The following MCM9 variants were observed in gnomAD, a reference collection of about 807,000 sequenced individuals.
MCM9 encodes the protein DNA helicase MCM9.
MCM9 carries 55 observed loss-of-function variants against 72.8 expected under a neutral mutation model. The ratio of observed to expected loss-of-function variants is 0.76; its 90% confidence interval spans 0.61 to 0.95. The LOEUF (loss-of-function observed/expected upper bound fraction) is 0.95, where lower values mean the gene tolerates loss of function less well. MCM9 is among the 40% of genes least tolerant of loss of function. The pLI, the probability that MCM9 is intolerant of heterozygous loss-of-function variation, is 0.00. For synonymous variants in MCM9, 480 were observed against 503.4 expected, an observed-to-expected ratio of 0.95 and a Z score of 0.62; for missense variants, 1,279 against 1,377.0, an observed-to-expected ratio of 0.93 and a Z score of 1.13.
intron 8 of MCM9, among the ~76,000 whole-genome samples, chr6:118,863,160 A>G (rs1777005516): frequency 6.6e-6 from 1 of 152,214 alleles, no homozygotes; most frequent in South Asian, 2.1e-4. Flanking sequence ...AACGTATTTA[A>G]TTGTATATGC....
intron 8 of MCM9, among the ~76,000 whole-genome samples, chr6:118,863,442 AC>A (rs1343202838): frequency 6.6e-6 from 1 of 152,250 alleles, no homozygotes; most frequent in Admixed American, 6.5e-5. Flanking sequence ...ACTGCTCAAA[AC>A]CATAAAAGGC....
intron 9 of MCM9, among the ~76,000 whole-genome samples, chr6:118,854,258 C>A (rs554550657): frequency 6.6e-6 from 1 of 152,094 alleles, no homozygotes; most frequent in African/African-American, 2.4e-5. Context: ...ACAATATTGA[C>A]CAGAAATGAG....
intron 13 of MCM9, 128 bp from the exon 14 acceptor site, chr6:118,816,422 A>G (rs1773411290): frequency 8.9e-6 from 6 of 674,864 alleles, no homozygotes; most frequent in Non-Finnish European, 1.4e-5. Flanking sequence ...AGTTAATATC[A>G]AATACAACCT....
intron 9 of MCM9, among the ~76,000 whole-genome samples, chr6:118,839,179 T>C (rs1236144263): frequency 6.6e-6 from 1 of 151,904 alleles, no homozygotes; most frequent in East Asian, 1.9e-4. Flanking sequence ...AAGTTGATCT[T>C]CAATCTCTGA....
intron 9 of MCM9, among the ~76,000 whole-genome samples, chr6:118,855,781 T>C (rs1489336739): frequency 6.6e-6 from 1 of 152,172 alleles, no homozygotes; most frequent in Non-Finnish European, 1.5e-5. Flanking sequence ...AAGTTTCCTA[T>C]AACCATTTCA....
chr6:118,896,211 C>CT, intron 8 of MCM9, among the ~76,000 whole-genome samples: 1 of 152,172 alleles, frequency 6.6e-6, no homozygotes, highest in South Asian at 2.1e-4. Flanking sequence ...TATGATACTA[C>CT]TATTAATATA....
chr6:118,849,683 T>A (rs1483848062), intron 9 of MCM9, among the ~76,000 whole-genome samples: 1 of 151,634 alleles, frequency 6.6e-6, no homozygotes, highest in Non-Finnish European at 1.5e-5. Context: ...AAGCAACTCT[T>A]GGGAGAAAGG....
At chr6:118,838,379 T>C (rs1236652735) in intron 9 of MCM9, among the ~76,000 whole-genome samples, 1 of 151,276 alleles carries the variant, frequency 6.6e-6, no homozygotes, top group African/African-American at 2.4e-5. Context: ...CAGGATGGTC[T>C]TGATCTCCTG....
In MCM9 at chr6:118,840,358, T is replaced by C. The variant is rs146751525; in HGVS notation, c.1326-11108A>G. On this transcript the variant is annotated intron_variant, in intron 9 of 13. Coordinates refer to ENST00000619706, the MANE Select transcript of MCM9 (RefSeq NM_017696.3). ...ACTCTCTGAGTGTCCCTCACATACA[T>C]GAGCAAAAAATAACCTTTCATTCTG... 1.8e-3 allele frequency among the ~76,000 whole-genome samples: 275 copies of C among 152,122 alleles called. 1 individual carries two copies. The highest frequency in any genetic ancestry group is 0.01 in the Middle Eastern group (3 of 294).
intron 9 of MCM9, among the ~76,000 whole-genome samples, chr6:118,836,266 AT>A (rs1476933931): frequency 1.3e-5 from 2 of 151,830 alleles, no homozygotes; most frequent in Admixed American, 1.3e-4. Flanking sequence ...TTTATGGAGG[AT>A]TTTCTCATCG....
In MCM9 at chr6:118,920,816, A is replaced by G. The variant is rs2114348979; in HGVS notation, c.703+1189T>C. 2.6e-5 allele frequency: 4 copies of G among 152,166 alleles called. No individual in the cohort carries two copies. The Middle Eastern group carries it at 0.014, about 518-fold the overall frequency. 9.4% of individuals were successfully genotyped at this position (152,166 alleles called of 1,614,324 possible). On this transcript the variant is annotated intron_variant, in intron 5 of 13. Transcript: ENST00000619706. Reference sequence around the variant, plus strand: ...GCCTGTGGAACTGTGAGCCAATTAAACCTCTTTTCTTTATAAATTGCCCCG... The same window carrying G: ...GCCTGTGGAACTGTGAGCCAATTAAGCCTCTTTTCTTTATAAATTGCCCCG...
At position 118,856,670 on chromosome 6, in the gene MCM9, G is replaced by T. The variant is rs977813191; in HGVS notation, c.1151-125C>A. 5 of 992,590 alleles carry T rather than the reference G, an allele frequency of 5.0e-6. No homozygotes were observed. The African/African-American group carries it at 6.6e-5, about 13-fold the overall frequency. The allele number at this position is 992,590 out of a possible 1,614,324, so 61.5% of individuals were successfully genotyped here. ...GAGGTGAGAAGATTTCTTGAACACA[G>T]GAGTTCGAGGCCTGCCTGGACAACA... On this transcript the variant is annotated intron_variant, in intron 8 of 13. Coordinates refer to ENST00000619706, the MANE Select transcript of MCM9 (RefSeq NM_017696.3).
rs543075602 is a variant in MCM9 at position 118,821,451 on chromosome 6, C to T, written c.1961+4696G>A. 2.6e-5 allele frequency among the ~76,000 whole-genome samples: 4 copies of T among 152,272 alleles called. No homozygotes were observed. The East Asian group carries it at 5.8e-4, about 22-fold the overall frequency. Reference sequence around the variant, plus strand: ...TTTAAGAATTTTGAATATTGGCCCCCACTGTCTTCTGGCTTGTAGGGTTTC... The same window carrying T: ...TTTAAGAATTTTGAATATTGGCCCCTACTGTCTTCTGGCTTGTAGGGTTTC... On this transcript the variant is annotated intron_variant, in intron 13 of 13. Transcript: ENST00000619706.
chr6:118,914,399 G>A (rs537149405), intron 6 of MCM9, among the ~76,000 whole-genome samples: 19 of 152,198 alleles, frequency 1.2e-4, no homozygotes, highest in African/African-American at 4.6e-4. Context: ...GCCTTTCCAC[G>A]ACTTATGGCC....
chr6:118,857,750 C>T (rs968783061), intron 8 of MCM9, among the ~76,000 whole-genome samples: 8 of 151,692 alleles, frequency 5.3e-5, no homozygotes, highest in Non-Finnish European at 8.8e-5. Context: ...AACTCTATGC[C>T]ATACATTTGA....
At chr6:118,894,075 T>G in intron 8 of MCM9, 1 of 1,094,254 alleles carries the variant, frequency 9.1e-7, no homozygotes, top group Non-Finnish European at 1.1e-6. Context: ...GGAGCCGCAG[T>G]TAAAGTTTCC....
chr6:118,821,903 G>A (rs112167811), intron 13 of MCM9, among the ~76,000 whole-genome samples: 4,019 of 151,884 alleles, frequency 0.026, 186 homozygotes, highest in African/African-American at 0.093. Flanking sequence ...CCTTTCTCAC[G>A]CTTGATTGAT....
intron 9 of MCM9, among the ~76,000 whole-genome samples, chr6:118,851,210 A>C (rs962867507): frequency 6.6e-6 from 1 of 151,846 alleles, no homozygotes; most frequent in Non-Finnish European, 1.5e-5. Context: ...AATCAAAAGC[A>C]GCTACTAGTA....
intron 8 of MCM9, among the ~76,000 whole-genome samples, chr6:118,859,196 C>G (rs1776756348): frequency 6.6e-6 from 1 of 152,124 alleles, no homozygotes; most frequent in Non-Finnish European, 1.5e-5. Flanking sequence ...GCTGGAGTAA[C>G]TGAATATCTT....
Sources: allele counts gnomAD v4.1 joint callset (sites outside exome capture counted in the v4.1 genomes callset), GRCh38; gene constraint gnomAD v4.1.1; transcripts MANE v1.5; gene names NCBI Gene and HGNC (gene_info 2026-07-23, HGNC 2026-07-21).